Variants in BTBD9 observed in about 807,000 individuals in gnomAD.
BTBD9 encodes BTB/POZ domain-containing protein 9.
A neutral mutation model predicts 64.3 loss-of-function variants in BTBD9; 49 were observed. The observed-to-expected ratio is 0.76, with a 90% CI of 0.61 to 0.97. BTBD9 has a LOEUF of 0.97. Ranked by LOEUF, BTBD9 falls within the 50% of genes least tolerant of loss-of-function variation. BTBD9 has a pLI of 0.00. For synonymous variants in BTBD9, 260 were observed against 274.7 expected (o/e 0.95, Z 0.53); for missense variants, 598 against 762.1 (o/e 0.78, Z 2.53).
intron 7 of BTBD9, among the ~76,000 whole-genome samples, chr6:38,312,880 G>C (rs1044921131): frequency 1.3e-5 from 2 of 152,098 alleles, no homozygotes; most frequent in Non-Finnish European, 2.9e-5. Flanking sequence ...GACATCTTTG[G>C]CTATTCCAGG....
intron 9 of BTBD9, among the ~76,000 whole-genome samples, chr6:38,199,414 T>C (rs1406252935): frequency 6.6e-6 from 1 of 152,140 alleles, no homozygotes; most frequent in African/African-American, 2.4e-5. Flanking sequence ...TCTCCTTTCT[T>C]CCATAAATAT....
At chr6:38,343,873 T>A (rs1764189307) in intron 7 of BTBD9, among the ~76,000 whole-genome samples, 1 of 152,134 alleles carries the variant, frequency 6.6e-6, no homozygotes, top group Non-Finnish European at 1.5e-5. Context: ...ACAGCAGGTG[T>A]TAGGAAAATT....
chr6:38,245,908 A>AT (rs1278053235), intron 9 of BTBD9, among the ~76,000 whole-genome samples: 2 of 152,042 alleles, frequency 1.3e-5, no homozygotes, highest in African/African-American at 2.4e-5. Flanking sequence ...GGTATGCTTC[A>AT]TTTTTTTTAT....
At chr6:38,386,597 T>C in intron 6 of BTBD9, among the ~76,000 whole-genome samples, 1 of 151,466 alleles carries the variant, frequency 6.6e-6, no homozygotes, top group Non-Finnish European at 1.5e-5. Flanking sequence ...ATTATAGTGA[T>C]ATTTATATTT....
intron 9 of BTBD9, among the ~76,000 whole-genome samples, chr6:38,216,413 A>G (rs980746952): frequency 6.6e-6 from 1 of 152,208 alleles, no homozygotes; most frequent in African/African-American, 2.4e-5. Flanking sequence ...GGCTAGGACT[A>G]TGGTGGCCAA....
At chr6:38,235,591 G>C (rs1582092615) in intron 9 of BTBD9, among the ~76,000 whole-genome samples, 1 of 152,132 alleles carries the variant, frequency 6.6e-6, no homozygotes, top group South Asian at 2.1e-4. Context: ...AGATGAGCTT[G>C]ACGTGCTCAT....
At chr6:38,470,775 T>TAA (rs1562231571) in intron 6 of BTBD9, among the ~76,000 whole-genome samples, 1 of 152,194 alleles carries the variant, frequency 6.6e-6, no homozygotes, top group East Asian at 1.9e-4. Flanking sequence ...CCTTCACACT[T>TAA]AGTCTGCCTT....
intron 9 of BTBD9, among the ~76,000 whole-genome samples, chr6:38,199,467 G>A (rs1762383127): frequency 6.6e-6 from 1 of 152,124 alleles, no homozygotes; most frequent in Non-Finnish European, 1.5e-5. Context: ...TTTAGACCCT[G>A]AGGATATAGC....
intron 1 of BTBD9, among the ~76,000 whole-genome samples, chr6:38,610,869 T>C (rs1562417373): frequency 1.3e-5 from 2 of 149,108 alleles, no homozygotes; most frequent in East Asian, 2.0e-4. Context: ...TCTAGAAATA[T>C]ATAAGGTTAT....
At position 38,169,758 on chromosome 6, in the gene BTBD9, C is replaced by G. The variant is rs1171381515; in HGVS notation, c.*5227G>C. ...CTCCTGGCTGCAGGGCCTCCTCCAC[C>G]CCCCCTCCCCCCCGCCCATTCAGGG... On this transcript the variant is annotated 3_prime_UTR_variant, in exon 11 of 11. Coordinates refer to ENST00000481247, the MANE Select transcript of BTBD9 (RefSeq NM_001099272.2). The G allele has an allele frequency of 7.0e-6, 1 of 142,790 alleles. No homozygotes were observed. The highest frequency in any genetic ancestry group is 1.6e-5 in the Non-Finnish European group (1 of 64,248). The allele number at this position is 142,790 out of a possible 1,614,324, so 8.8% of individuals were successfully genotyped here.
chr6:38,375,891 A>G (rs1007984610), intron 6 of BTBD9, among the ~76,000 whole-genome samples: 1 of 122,260 alleles, frequency 8.2e-6, no homozygotes, highest in Non-Finnish European at 1.7e-5. Flanking sequence ...AGAAAGAAAG[A>G]AAAGAAAGAA....
intron 6 of BTBD9, among the ~76,000 whole-genome samples, chr6:38,394,093 T>G (rs1245764258): frequency 6.6e-6 from 1 of 152,128 alleles, no homozygotes; most frequent in Non-Finnish European, 1.5e-5. Context: ...ACTGAGAACC[T>G]ATGATGTGTT....
chr6:38,324,095 G>A (rs534621629), intron 7 of BTBD9, among the ~76,000 whole-genome samples: 39 of 152,278 alleles, frequency 2.6e-4, no homozygotes, highest in Admixed American at 1.7e-3. Flanking sequence ...AGCCTGTCTC[G>A]CGGTACGGGG....
chr6:38,329,413 C>T (rs965337524), intron 7 of BTBD9, among the ~76,000 whole-genome samples: 1 of 150,956 alleles, frequency 6.6e-6, no homozygotes, highest in African/African-American at 2.4e-5. Flanking sequence ...ACCTCCGCCT[C>T]CTGGTTTCAA....
intron 6 of BTBD9, among the ~76,000 whole-genome samples, chr6:38,566,210 A>G (rs1291750403): frequency 6.6e-6 from 1 of 152,238 alleles, no homozygotes; most frequent in East Asian, 1.9e-4. Context: ...ATGATTACAC[A>G]TAGAAGGCTA....
intron 9 of BTBD9, among the ~76,000 whole-genome samples, chr6:38,214,741 T>C (rs564541909): frequency 1.3e-5 from 2 of 152,346 alleles, no homozygotes; most frequent in East Asian, 1.9e-4. Context: ...TCATTACACC[T>C]GCTTTGAATT....
At position 38,170,730 on chromosome 6, in the gene BTBD9, A is replaced by C. The variant is rs1019041310; in HGVS notation, c.*4255T>G. On this transcript the variant is annotated 3_prime_UTR_variant, in exon 11 of 11. Transcript: ENST00000481247. The stretch of plus-strand genomic sequence containing the variant: ...ATAATAATAAAAGCCACGGTGGCAC[A>C]GAACCATGAACTGCACTTTAAATTC... The C allele has an allele frequency of 6.6e-5, 10 of 152,268 alleles. No individual in the cohort carries two copies. The highest frequency in any genetic ancestry group is 2.4e-4 in the African/African-American group (10 of 41,478). 9.4% of individuals were successfully genotyped at this position (152,268 alleles called of 1,614,324 possible).
At chr6:38,629,982 C>T (rs868365691) in intron 1 of BTBD9, among the ~76,000 whole-genome samples, 7 of 151,484 alleles carry the variant, frequency 4.6e-5, no homozygotes, top group Admixed American at 6.6e-5. Flanking sequence ...CCAAGGTGGG[C>T]GGATCACCTG....
chr6:38,223,642 T>C (rs1763290949), intron 9 of BTBD9, among the ~76,000 whole-genome samples: 1 of 152,178 alleles, frequency 6.6e-6, no homozygotes, highest in African/African-American at 2.4e-5. Flanking sequence ...CAGCCAGAGT[T>C]CTGAATTTAA....
Sources: allele counts gnomAD v4.1 joint callset (sites outside exome capture counted in the v4.1 genomes callset), GRCh38; gene constraint gnomAD v4.1.1; transcripts MANE v1.5; gene names NCBI Gene and HGNC (gene_info 2026-07-23, HGNC 2026-07-21).